The following ZFAND4 variants were observed in gnomAD, a reference collection of about 807,000 sequenced individuals.
The protein encoded by ZFAND4 is zinc finger AN1-type containing 4.
Under a neutral mutation model 64.4 loss-of-function variants are expected in ZFAND4, and 43 were observed. The ratio of observed to expected loss-of-function variants is 0.67; its 90% CI spans 0.52 to 0.86. The LOEUF (loss-of-function observed/expected upper bound fraction) is 0.86. Among genes scored for constraint, ZFAND4 ranks in the 40% least tolerant of loss-of-function variants. The pLI, the probability that ZFAND4 is intolerant of heterozygous loss-of-function variation, is 0.00. For missense variants in ZFAND4, 929 were observed against 859.8 expected, an observed-to-expected ratio of 1.08 and a Z score of -1.01; for synonymous variants, 296 against 305.7, an observed-to-expected ratio of 0.97 and a Z score of 0.33.
chr10:45,653,973 G>C (rs1187057102), intron 2 of ZFAND4, among the ~76,000 whole-genome samples: 2 of 152,184 alleles, frequency 1.3e-5, no homozygotes, highest in African/African-American at 4.8e-5. Context: ...ATACACCACA[G>C]AACACCATGC....
chr10:45,647,993 G>GA (rs915058497), intron 5 of ZFAND4, among the ~76,000 whole-genome samples: 1 of 151,796 alleles, frequency 6.6e-6, no homozygotes, highest in African/African-American at 2.4e-5. Flanking sequence ...GTTAAATTTA[G>GA]AAAAAAAGGT....
intron 2 of ZFAND4, among the ~76,000 whole-genome samples, chr10:45,653,632 C>G (rs2047904982): frequency 6.6e-6 from 1 of 152,120 alleles, no homozygotes; most frequent in Admixed American, 6.5e-5. Flanking sequence ...CAAGCTCACA[C>G]CTGTCAGAAT....
At chr10:45,657,480 A>G (rs2048206010) in intron 2 of ZFAND4, among the ~76,000 whole-genome samples, 1 of 152,232 alleles carries the variant, frequency 6.6e-6, no homozygotes, top group Non-Finnish European at 1.5e-5. Flanking sequence ...ACTTTTATGT[A>G]TTACTCATAC....
Position 45,626,345 on chromosome 10 carries a change from T to A in ZFAND4, c.1478A>T (p.Gln493Leu). The A allele has an allele frequency of 1.2e-6, 2 of 1,614,224 alleles. No individual in the cohort carries two copies. Among genetic ancestry groups the A allele is most frequent in the Non-Finnish European group, 1.7e-6 (2 of 1,180,048 alleles). The change falls in exon 7 of 10, where the codon CAG becomes CTG. Residue 493 changes from glutamine (Q) to leucine (L), a missense_variant. Transcript: ENST00000344646. ...CTTCCCAAACTCAAAACATTTGGACTGTCTCTCTGGTTTCACCAGAGAATT... is the reference window on the plus strand; with the variant it reads ...CTTCCCAAACTCAAAACATTTGGACAGTCTCTCTGGTTTCACCAGAGAATT... ...LHNSLVKPER[Q>L]SKCFEFGKLQ...
intron 3 of ZFAND4, 32 bp from the exon 4 acceptor site, chr10:45,652,065 A>G: frequency 2.5e-6 from 4 of 1,604,496 alleles, no homozygotes; most frequent in Non-Finnish European, 3.4e-6. Flanking sequence ...ATAAATCATA[A>G]TCATCAAAAT....
At chr10:45,649,863 T>G (rs544059835) in intron 4 of ZFAND4, 11 of 152,350 alleles carry the variant, frequency 7.2e-5, no homozygotes, top group Admixed American at 6.5e-4. Flanking sequence ...GCCCATTTTT[T>G]AGATATTGCT....
At chr10:45,657,631 T>G (rs1392671091) in intron 2 of ZFAND4, among the ~76,000 whole-genome samples, 71 of 152,124 alleles carry the variant, frequency 4.7e-4, no homozygotes, top group Non-Finnish European at 1.5e-4. Context: ...CATAAAAATG[T>G]GTATGTGAAA....
At chr10:45,645,239 A>G (rs2047298800) in intron 5 of ZFAND4, among the ~76,000 whole-genome samples, 1 of 152,140 alleles carries the variant, frequency 6.6e-6, no homozygotes, top group Non-Finnish European at 1.5e-5. Context: ...AAGTGCTGGG[A>G]TTACAGGTGT....
At position 45,626,452 on chromosome 10, in the gene ZFAND4, T is replaced by C. The variant is rs368318506; in HGVS notation, c.1371A>G (p.Ser457=). ...GACTTAATTCCCGGTAGTTAAGAACTGAAGTCTCTACTGATTCCCCATTCA... is the reference window on the plus strand; with the variant it reads ...GACTTAATTCCCGGTAGTTAAGAACCGAAGTCTCTACTGATTCCCCATTCA... The part of the protein sequence containing the change: ...GVLNGESVET[S]VLNYRELSPH... The change falls in exon 7 of 10, where the codon TCA becomes TCG. Residue 457 remains serine (S), a synonymous_variant. Coordinates refer to ENST00000344646, the MANE Select transcript of ZFAND4 (RefSeq NM_174890.4). The C allele has an allele frequency of 6.2e-7, 1 of 1,613,736 alleles. No individual in the cohort carries two copies. The highest frequency in any genetic ancestry group is 1.7e-5 in the Admixed American group (1 of 60,032).
In ZFAND4 at chr10:45,616,353, G is replaced by C. The variant is rs565337384; in HGVS notation, c.*83C>G. ...GTTATTTGGCAAATCTTTTAGAGTC[G>C]AACAAAAATAATAGTCTAAACAACA... is the stretch of plus-strand genomic sequence containing the variant. On this transcript the variant is annotated 3_prime_UTR_variant, in exon 10 of 10. Transcript: ENST00000344646. 1 of 1,527,846 alleles carries C rather than the reference G, an allele frequency of 6.5e-7. No homozygotes were observed. The allele number at this position is 1,527,846 out of a possible 1,614,324, so 94.6% of individuals were successfully genotyped here.
At chr10:45,657,507 C>A (rs909037272) in intron 2 of ZFAND4, among the ~76,000 whole-genome samples, 2 of 152,116 alleles carry the variant, frequency 1.3e-5, no homozygotes, top group Non-Finnish European at 2.9e-5. Context: ...AAAATGGTAA[C>A]AACCACTCTG....
intron 5 of ZFAND4, among the ~76,000 whole-genome samples, chr10:45,644,991 T>G (rs1168023101): frequency 3.3e-5 from 5 of 149,966 alleles, no homozygotes; most frequent in Admixed American, 1.3e-4. Flanking sequence ...TTTTTTTTTT[T>G]GTCTTTTTGA....
At chr10:45,647,424 G>GC (rs2047460541) in intron 5 of ZFAND4, among the ~76,000 whole-genome samples, 1 of 127,024 alleles carries the variant, frequency 7.9e-6, no homozygotes, top group Non-Finnish European at 1.7e-5. Context: ...ACTACAAGCT[G>GC]TTTTTTTTTT....
rs1589223790 is a variant in ZFAND4 at position 45,617,914 on chromosome 10, A to T, written c.2048+226T>A. On this transcript the variant is annotated intron_variant, in intron 9 of 9. Coordinates refer to ENST00000344646, the MANE Select transcript of ZFAND4 (RefSeq NM_174890.4). The stretch of plus-strand genomic sequence containing the variant: ...AAGGTACACTCTCAGATTGGTTTAA[A>T]CCTCCTAACTTAAAGGACAAGGAAG... 1.3e-5 allele frequency: 4 copies of T among 306,650 alleles called. No individual in the cohort carries two copies. In the East Asian group the frequency reaches 2.9e-4, roughly 22 times the overall value. 19.0% of individuals were successfully genotyped at this position (306,650 alleles called of 1,614,324 possible).
chr10:45,630,638 T>C (rs368871197), intron 6 of ZFAND4, among the ~76,000 whole-genome samples: 6 of 151,892 alleles, frequency 4.0e-5, no homozygotes, highest in South Asian at 2.1e-4. Flanking sequence ...GGCAGGAGAA[T>C]TGGCATGAAC....
intron 7 of ZFAND4, 52 bp from the exon 8 acceptor site, chr10:45,624,689 A>G: frequency 7.0e-7 from 1 of 1,433,520 alleles, no homozygotes; most frequent in Non-Finnish European, 9.7e-7. Flanking sequence ...AAGAATAGAA[A>G]TGATCAACAA....
At position 45,645,621 on chromosome 10, in the gene ZFAND4, CAT is replaced by C. The variant is rs1334323434; in HGVS notation, c.569+2671_569+2672del. Among the ~76,000 whole-genome samples the C allele has an allele frequency of 2.6e-5, 4 of 152,204 alleles. No homozygotes were observed. In the East Asian group the frequency reaches 7.7e-4, roughly 29 times the overall value. On this transcript the variant is annotated intron_variant, in intron 5 of 9. Coordinates refer to ENST00000344646, the MANE Select transcript of ZFAND4 (RefSeq NM_174890.4). Reference sequence around the variant, plus strand: ...AATAAAACAATATTTATATGTGAAACATATACTGCAATAATGTCATGTTAACA... The same window carrying C: ...AATAAAACAATATTTATATGTGAAACATACTGCAATAATGTCATGTTAACA...
intron 5 of ZFAND4, 184 bp from the exon 6 acceptor site, chr10:45,640,147 G>T (rs992367635): frequency 2.4e-6 from 3 of 1,263,036 alleles, no homozygotes; most frequent in Admixed American, 7.0e-5. Context: ...AATGAAATGG[G>T]AATAAATATT....
rs769744820 is a variant in ZFAND4, at chr10:45,616,560, T to C, written c.2060A>G (p.Asn687Ser). ...TGCATAACGATGAGATGCACAGAAG[T>C]TGTTTCCACATCTAAAGCACAAAAA... ...ASSYECRCGN[N>S]FCASHRYAET... The change falls in exon 10 of 10, where the codon AAC becomes AGC. Residue 687 changes from asparagine to serine, a missense_variant. Physicochemically the swap from Asn to Ser is conservative, Grantham distance 46 (BLOSUM62 1). Transcript: ENST00000344646. 1 of 1,614,004 alleles carries C rather than the reference T, an allele frequency of 6.2e-7. No individual in the cohort carries two copies. Among genetic ancestry groups the C allele is most frequent in the Non-Finnish European group, 8.5e-7 (1 of 1,179,976 alleles).
Sources: gnomAD v4.1 joint callset for allele counts (sites outside exome capture counted in the v4.1 genomes callset) on GRCh38, gnomAD v4.1.1 for gene constraint, MANE v1.5 for transcripts, NCBI Gene and HGNC (gene_info 2026-07-23, HGNC 2026-07-21) for gene names.